DLG2: variants seen among roughly 807,000 people sequenced by gnomAD.
DLG2 encodes the protein discs large MAGUK scaffold protein 2, also known as disks large homolog 2.
Under a neutral mutation model 132.5 loss-of-function variants are expected in DLG2, and 45 were observed. The observed-to-expected ratio is 0.34, with a 90% CI of 0.27 to 0.44. The LOEUF (loss-of-function observed/expected upper bound fraction) is 0.44, where lower values mean the gene tolerates loss of function less well. Among genes scored for constraint, DLG2 ranks in the 20% least tolerant of loss-of-function variants. The pLI is 1.00. For synonymous variants in DLG2, 424 were observed against 419.6 expected (o/e 1.01, Z -0.13); for missense variants, 1,045 against 1,196.9 (o/e 0.87, Z 1.87).
At position 84,107,503 on chromosome 11, in the gene DLG2, T is replaced by C. The variant is rs537149701; in HGVS notation, c.625-8456A>G. ...AGCACTCCATCTTTAATTTTCCTTA[T>C]AAATATATCTTGCAATGAGCGCATA... On this transcript the variant is annotated intron_variant, in intron 9 of 27. Transcript: ENST00000376104. Among the ~76,000 whole-genome samples, 11 of 152,008 alleles carry C rather than the reference T, an allele frequency of 7.2e-5. No individual in the cohort carries two copies. In the East Asian group the frequency reaches 1.7e-3, roughly 24 times the overall value.
chr11:85,066,752 T>C (rs1400502867), intron 6 of DLG2, among the ~76,000 whole-genome samples: 3 of 151,488 alleles, frequency 2.0e-5, no homozygotes, highest in African/African-American at 4.8e-5. Context: ...CCTATCATAA[T>C]AAAAATCATC....
intron 3 of DLG2, among the ~76,000 whole-genome samples, chr11:85,491,068 T>A (rs1346962973): frequency 6.6e-6 from 1 of 151,994 alleles, no homozygotes; most frequent in African/African-American, 2.4e-5. Context: ...AAGAAGATAA[T>A]ACATTATGAT....
chr11:83,463,332 G>A (rs1490384175), intron 26 of DLG2, among the ~76,000 whole-genome samples: 1 of 151,624 alleles, frequency 6.6e-6, no homozygotes, highest in East Asian at 1.9e-4. Context: ...CTGAACTCTT[G>A]TTGCTAAACT....
At chr11:85,494,898 A>AT (rs1279599924) in intron 3 of DLG2, among the ~76,000 whole-genome samples, 1 of 151,746 alleles carries the variant, frequency 6.6e-6, no homozygotes, top group Non-Finnish European at 1.5e-5. Context: ...ATACCATAAA[A>AT]AAAACAGTGA....
intron 7 of DLG2, 93 bp downstream of exon 7, chr11:84,534,477 A>G: frequency 2.3e-6 from 3 of 1,294,046 alleles, no homozygotes; most frequent in Non-Finnish European, 3.3e-6. Flanking sequence ...GTTTTAAAAG[A>G]GCCTCATTTA....
chr11:83,804,934 A>G (rs1008968526), intron 17 of DLG2, among the ~76,000 whole-genome samples: 9 of 152,214 alleles, frequency 5.9e-5, no homozygotes, highest in Admixed American at 5.9e-4. Flanking sequence ...TTCTTTAAAT[A>G]AAATTTACTC....
intron 10 of DLG2, among the ~76,000 whole-genome samples, chr11:84,092,906 G>T (rs1462209578): frequency 6.6e-6 from 1 of 151,742 alleles, no homozygotes; most frequent in Non-Finnish European, 1.5e-5. Context: ...TGTGGTGGCG[G>T]GCACCTGCAG....
At chr11:84,468,018 A>G (rs1166959730) in intron 7 of DLG2, among the ~76,000 whole-genome samples, 1 of 151,528 alleles carries the variant, frequency 6.6e-6, no homozygotes, top group African/African-American at 2.4e-5. Flanking sequence ...TACCATAATA[A>G]ATTGCTGGAA....
At chr11:84,859,398 GTATATATACATATATATGTATACA>G (rs2083279625) in intron 6 of DLG2, among the ~76,000 whole-genome samples, 1 of 137,754 alleles carries the variant, frequency 7.3e-6, no homozygotes, top group South Asian at 2.2e-4. Context: ...ACATATATAT[GTATATATACATATATATGTATACA>G]TATACATATA....
intron 7 of DLG2, among the ~76,000 whole-genome samples, chr11:84,329,602 G>A (rs1385893312): frequency 1.3e-5 from 2 of 152,146 alleles, no homozygotes; most frequent in Non-Finnish European, 2.9e-5. Flanking sequence ...AATTAAGCTT[G>A]TTTCCTTTAT....
intron 15 of DLG2, among the ~76,000 whole-genome samples, chr11:83,908,636 C>A (rs1355570175): frequency 1.3e-5 from 2 of 152,128 alleles, no homozygotes; most frequent in Admixed American, 6.6e-5. Flanking sequence ...CCATTCCTAG[C>A]AGAGTAAACA....
At chr11:84,032,729 G>A (rs975849728) in intron 11 of DLG2, among the ~76,000 whole-genome samples, 1 of 152,206 alleles carries the variant, frequency 6.6e-6, no homozygotes, top group South Asian at 2.1e-4. Context: ...TAGCTAGAGA[G>A]GAGAAGTCAA....
At chr11:84,565,405 G>A (rs549520659) in intron 6 of DLG2, among the ~76,000 whole-genome samples, 1 of 152,162 alleles carries the variant, frequency 6.6e-6, no homozygotes, top group South Asian at 2.1e-4. Flanking sequence ...TTGCACATAG[G>A]TACAACAATT....
At chr11:84,218,483 T>A (rs1389350590) in intron 8 of DLG2, among the ~76,000 whole-genome samples, 1 of 152,140 alleles carries the variant, frequency 6.6e-6, no homozygotes, top group Non-Finnish European at 1.5e-5. Flanking sequence ...CTCTTGTATC[T>A]ACATATTACT....
chr11:84,096,597 G>A (rs1267523575), intron 10 of DLG2, among the ~76,000 whole-genome samples: 2 of 152,126 alleles, frequency 1.3e-5, no homozygotes, highest in Non-Finnish European at 2.9e-5. Context: ...GCTAAACAGA[G>A]TGGTGAAAAA....
chr11:85,149,793 C>T (rs998115517), intron 5 of DLG2, among the ~76,000 whole-genome samples: 1 of 151,894 alleles, frequency 6.6e-6, no homozygotes, highest in South Asian at 2.1e-4. Context: ...TCAAACTTGA[C>T]CAGATGGAAT....
chr11:84,454,001 T>G (rs1325724234), intron 7 of DLG2, among the ~76,000 whole-genome samples: 2 of 151,476 alleles, frequency 1.3e-5, no homozygotes, highest in Non-Finnish European at 3.0e-5. Flanking sequence ...CACAGAGGAG[T>G]TGAAGAAAGT....
At chr11:83,839,754 A>G (rs2057133013) in intron 16 of DLG2, among the ~76,000 whole-genome samples, 1 of 152,230 alleles carries the variant, frequency 6.6e-6, no homozygotes, top group African/African-American at 2.4e-5. Context: ...AGTTTCCAAA[A>G]CCATTGACAC....
chr11:84,135,438 G>T (rs1048517896), intron 9 of DLG2, among the ~76,000 whole-genome samples: 5 of 152,084 alleles, frequency 3.3e-5, no homozygotes, highest in Admixed American at 2.6e-4. Flanking sequence ...GTACTGGACA[G>T]GGGTCAGTAA....
Sources: allele counts gnomAD v4.1 joint callset (sites outside exome capture counted in the v4.1 genomes callset), GRCh38; gene constraint gnomAD v4.1.1; transcripts MANE v1.5; gene names NCBI Gene and HGNC (gene_info 2026-07-23, HGNC 2026-07-21).